The following DPYD variants were observed in gnomAD, a reference collection of about 807,000 sequenced individuals.
DPYD encodes dihydropyrimidine dehydrogenase.
DPYD carries 109 observed loss-of-function variants against 116.2 expected under a neutral mutation model. That is an observed-to-expected ratio of 0.94 (90% CI 0.80 to 1.10). DPYD has a LOEUF of 1.10. DPYD is among the 50% of genes least tolerant of loss of function. The probability of loss-of-function intolerance (pLI) is 0.00; values close to 1 mark genes in which losing one functional copy is unlikely to be tolerated. For missense variants in DPYD, 1,302 were observed against 1,254.5 expected (o/e 1.04, Z -0.57); for synonymous variants, 440 against 432.0 (o/e 1.02, Z -0.23).
chr1:97,541,073 T>C (rs1650418718), intron 12 of DPYD, among the ~76,000 whole-genome samples: 1 of 152,194 alleles, frequency 6.6e-6, no homozygotes, highest in Admixed American at 6.5e-5. Flanking sequence ...CTGGACTATT[T>C]CCTTCCCTTG....
At chr1:97,875,777 C>A (rs903128412) in intron 2 of DPYD, among the ~76,000 whole-genome samples, 1 of 151,906 alleles carries the variant, frequency 6.6e-6, no homozygotes, top group Non-Finnish European at 1.5e-5. Context: ...TAAATTTACA[C>A]ATTAATAATA....
chr1:97,180,468 T>C (rs1197926732), intron 20 of DPYD, among the ~76,000 whole-genome samples: 1 of 152,150 alleles, frequency 6.6e-6, no homozygotes. Flanking sequence ...TGGTTTGCTA[T>C]AAATGTCCAC....
intron 2 of DPYD, among the ~76,000 whole-genome samples, chr1:97,875,314 T>C (rs1176275180): frequency 6.6e-6 from 1 of 151,974 alleles, no homozygotes; most frequent in Non-Finnish European, 1.5e-5. Flanking sequence ...GGTGGAACTA[T>C]CATAAGAATC....
intron 16 of DPYD, among the ~76,000 whole-genome samples, chr1:97,326,999 C>T (rs1312268249): frequency 1.3e-5 from 2 of 151,946 alleles, no homozygotes; most frequent in African/African-American, 4.8e-5. Context: ...TAAAATAAAT[C>T]AATTGTGGTT....
At chr1:97,552,867 T>C (rs1172398732) in intron 11 of DPYD, among the ~76,000 whole-genome samples, 1 of 151,914 alleles carries the variant, frequency 6.6e-6, no homozygotes, top group African/African-American at 2.4e-5. Context: ...CCTAATTTCA[T>C]TCCAGAAATA....
At chr1:97,675,252 A>G (rs1231254367) in intron 8 of DPYD, among the ~76,000 whole-genome samples, 2 of 152,328 alleles carry the variant, frequency 1.3e-5, no homozygotes, top group East Asian at 1.9e-4. Flanking sequence ...CTTGTATAGT[A>G]GATGTTCCAA....
At chr1:97,228,362 G>A (rs571057542) in intron 19 of DPYD, among the ~76,000 whole-genome samples, 1 of 152,184 alleles carries the variant, frequency 6.6e-6, no homozygotes, top group East Asian at 1.9e-4. Context: ...CTTAATGTCA[G>A]TCATATGGCT....
chr1:97,477,638 G>A, intron 13 of DPYD, among the ~76,000 whole-genome samples: 1 of 126,268 alleles, frequency 7.9e-6, no homozygotes, highest in East Asian at 2.2e-4. Context: ...TTTTAAGACG[G>A]AGTCTCGCTC....
intron 18 of DPYD, among the ~76,000 whole-genome samples, chr1:97,241,762 A>C (rs909156808): frequency 5.9e-5 from 9 of 151,834 alleles, no homozygotes; most frequent in Non-Finnish European, 1.3e-4. Flanking sequence ...AAGGACATTA[A>C]TACTAATAAT....
intron 8 of DPYD, among the ~76,000 whole-genome samples, chr1:97,628,249 T>C (rs1389643579): frequency 2.0e-5 from 3 of 152,036 alleles, no homozygotes; most frequent in Non-Finnish European, 4.4e-5. Context: ...GACTTTTTGC[T>C]GTAAGGACCT....
In DPYD at chr1:97,515,923, C is replaced by T. The variant is rs148994843; in HGVS notation, c.1543G>A (p.Val515Ile). The change falls in exon 13 of 23, where the codon GTT becomes ATT. Residue 515 changes from valine to isoleucine, a missense_variant. Physicochemically the swap from Val to Ile is conservative, Grantham distance 29. Transcript: ENST00000370192. ...KYVQSQYGAS[V>I]SAKPELPLFY... ...AGGGGTAGTTCAGGCTTGGCAGAAA[C>T]GGAAGCTCCATATTGTGACTGCAAA... The T allele has an allele frequency of 4.5e-5, 72 of 1,612,388 alleles. No individual in the cohort carries two copies. The highest frequency in any genetic ancestry group is 1.8e-4 in the East Asian group (8 of 44,814).
intron 20 of DPYD, among the ~76,000 whole-genome samples, chr1:97,102,425 A>G (rs2101604846): frequency 6.9e-6 from 1 of 144,602 alleles, no homozygotes; most frequent in East Asian, 2.0e-4. Context: ...ATATATGTAT[A>G]TATGTATCTT....
intron 12 of DPYD, among the ~76,000 whole-genome samples, chr1:97,530,434 G>A (rs1204290291): frequency 6.6e-6 from 1 of 151,692 alleles, no homozygotes; most frequent in Non-Finnish European, 1.5e-5. Flanking sequence ...AGCCAGGATG[G>A]TCTCGATCTC....
intron 16 of DPYD, among the ~76,000 whole-genome samples, chr1:97,358,505 G>C (rs1167842511): frequency 6.6e-6 from 1 of 152,220 alleles, no homozygotes; most frequent in Non-Finnish European, 1.5e-5. Flanking sequence ...ATCCTCAAGT[G>C]GGCCCCTGAT....
At chr1:97,231,622 A>T (rs1661593831) in intron 19 of DPYD, among the ~76,000 whole-genome samples, 2 of 152,126 alleles carry the variant, frequency 1.3e-5, no homozygotes, top group Admixed American at 1.3e-4. Context: ...CTCCCACAAC[A>T]TATGGGGATT....
intron 18 of DPYD, among the ~76,000 whole-genome samples, chr1:97,267,412 A>G (rs1385282318): frequency 6.6e-6 from 1 of 152,074 alleles, no homozygotes; most frequent in Non-Finnish European, 1.5e-5. Flanking sequence ...GATCAGATTC[A>G]TTTCTTACAG....
intron 3 of DPYD, among the ~76,000 whole-genome samples, chr1:97,809,163 C>A (rs1668229943): frequency 6.6e-6 from 1 of 152,158 alleles, no homozygotes; most frequent in South Asian, 2.1e-4. Flanking sequence ...ATTAAAAGAT[C>A]ACTCAAGCTC....
chr1:97,131,711 G>T (rs1653357077), intron 20 of DPYD, among the ~76,000 whole-genome samples: 1 of 152,084 alleles, frequency 6.6e-6, no homozygotes, highest in South Asian at 2.1e-4. Flanking sequence ...TGAAATCAAG[G>T]TGCTCCTACT....
intron 11 of DPYD, among the ~76,000 whole-genome samples, chr1:97,555,047 C>T (rs1353678418): frequency 6.6e-6 from 1 of 152,154 alleles, no homozygotes; most frequent in Non-Finnish European, 1.5e-5. Flanking sequence ...TGTCTCACCA[C>T]CAAATTATTC....
Sources: gnomAD v4.1 joint callset for allele counts (sites outside exome capture counted in the v4.1 genomes callset) on GRCh38, gnomAD v4.1.1 for gene constraint, MANE v1.5 for transcripts, NCBI Gene and HGNC (gene_info 2026-07-23, HGNC 2026-07-21) for gene names.